Variants in SEMA3A observed in about 807,000 individuals in gnomAD.
The protein encoded by SEMA3A is semaphorin-3A.
A neutral mutation model predicts 97.9 loss-of-function variants in SEMA3A; 29 were observed. The ratio of observed to expected loss-of-function variants is 0.30; its 90% confidence interval spans 0.22 to 0.40. The LOEUF (loss-of-function observed/expected upper bound fraction) is 0.40, where lower values mean the gene tolerates loss of function less well. SEMA3A is among the 10% of genes least tolerant of loss of function. The pLI is 1.00. For synonymous variants in SEMA3A, 321 were observed against 323.7 expected (o/e 0.99, Z 0.09); for missense variants, 763 against 951.3 (o/e 0.80, Z 2.60).
chr7:84,306,166 TA>T (rs1019578903), intron 3 of SEMA3A, among the ~76,000 whole-genome samples: 1 of 151,908 alleles, frequency 6.6e-6, no homozygotes, highest in African/African-American at 2.4e-5. Flanking sequence ...TATGATGTGA[TA>T]AATTTTTTTT....
At chr7:84,303,526 T>C (rs1231222331) in intron 3 of SEMA3A, among the ~76,000 whole-genome samples, 4 of 151,494 alleles carry the variant, frequency 2.6e-5, no homozygotes, top group Admixed American at 2.6e-4. Context: ...AAATAATAGG[T>C]GAACATATTG....
intron 2 of SEMA3A, among the ~76,000 whole-genome samples, chr7:84,337,484 T>A (rs1802065355): frequency 6.6e-6 from 1 of 152,150 alleles, no homozygotes; most frequent in African/African-American, 2.4e-5. Flanking sequence ...TAACAATCCA[T>A]CATTGCATTC....
chr7:84,454,325 T>C (rs1277381218), intron 1 of SEMA3A, among the ~76,000 whole-genome samples: 1 of 152,180 alleles, frequency 6.6e-6, no homozygotes, highest in Non-Finnish European at 1.5e-5. Flanking sequence ...AAGACATACA[T>C]CAGACACAGA....
At chr7:84,344,213 T>C (rs923417722) in intron 2 of SEMA3A, among the ~76,000 whole-genome samples, 8 of 152,160 alleles carry the variant, frequency 5.3e-5, no homozygotes, top group Admixed American at 1.3e-4. Flanking sequence ...TTCAATATTA[T>C]GAAGATAAAC....
At chr7:84,363,376 C>T (rs1377484761) in intron 2 of SEMA3A, among the ~76,000 whole-genome samples, 7 of 151,820 alleles carry the variant, frequency 4.6e-5, no homozygotes, top group Admixed American at 1.3e-4. Flanking sequence ...CTCGGACATT[C>T]GAAAATATAT....
chr7:84,426,145 T>G (rs542566644), intron 1 of SEMA3A, among the ~76,000 whole-genome samples: 1 of 152,094 alleles, frequency 6.6e-6, no homozygotes, highest in Admixed American at 6.6e-5. Flanking sequence ...GCTCATGTGA[T>G]GGGAGCACTA....
At chr7:84,008,764 GCTT>G in intron 9 of SEMA3A, among the ~76,000 whole-genome samples, 1 of 152,178 alleles carries the variant, frequency 6.6e-6, no homozygotes, top group East Asian at 1.9e-4. Context: ...ACCATGCCTG[GCTT>G]CTTTTCGGCT....
intron 3 of SEMA3A, among the ~76,000 whole-genome samples, chr7:84,248,728 T>C (rs1375421272): frequency 1.3e-5 from 2 of 152,166 alleles, no homozygotes; most frequent in Admixed American, 1.3e-4. Context: ...GATCTCTCTC[T>C]CTCTGATCCT....
intron 3 of SEMA3A, among the ~76,000 whole-genome samples, chr7:84,306,853 T>C (rs967575554): frequency 2.0e-5 from 3 of 152,130 alleles, no homozygotes; most frequent in African/African-American, 7.2e-5. Context: ...AAAATATTTT[T>C]GTGGATAGCA....
intron 4 of SEMA3A, among the ~76,000 whole-genome samples, chr7:84,064,858 C>T (rs2115716020): frequency 6.6e-6 from 1 of 152,010 alleles, no homozygotes; most frequent in South Asian, 2.1e-4. Flanking sequence ...TTAGACAGAT[C>T]AACGAGACAG....
intron 6 of SEMA3A, among the ~76,000 whole-genome samples, chr7:84,020,705 A>AATTTAATACC (rs1342503411): frequency 9.9e-5 from 15 of 152,048 alleles, no homozygotes; most frequent in Admixed American, 7.2e-4. Flanking sequence ...CACTGCTCTA[A>AATTTAATACC]ATTTAATACC....
intron 2 of SEMA3A, among the ~76,000 whole-genome samples, chr7:84,334,160 C>G (rs372137652): frequency 6.6e-6 from 1 of 151,904 alleles, no homozygotes; most frequent in Admixed American, 6.6e-5. Flanking sequence ...TTCCAAATCT[C>G]GGAATTGATC....
chr7:84,265,277 T>G (rs1190071025), intron 3 of SEMA3A, among the ~76,000 whole-genome samples: 1 of 152,020 alleles, frequency 6.6e-6, no homozygotes, highest in African/African-American at 2.4e-5. Flanking sequence ...AAGAGTGCAG[T>G]GGCATGATCT....
rs1183485596 is a variant in SEMA3A, at chr7:83,957,568, C to T, written c.*3803G>A. 6.6e-6 allele frequency: 1 copy of T among 152,086 alleles called. No individual in the cohort carries two copies. Among genetic ancestry groups the T allele is most frequent in the Non-Finnish European group, 1.5e-5 (1 of 67,932 alleles). The allele number at this position is 152,086 out of a possible 1,614,324, so 9.4% of individuals were successfully genotyped here. On this transcript the variant is annotated 3_prime_UTR_variant, in exon 17 of 17. Transcript: ENST00000265362. The stretch of plus-strand genomic sequence containing the variant: ...TGGTTACGTTGATTGCGAAACTGTC[C>T]TTACTATATGGGCTGTCACATATGC...
chr7:84,050,763 T>A (rs1792593142), intron 5 of SEMA3A, among the ~76,000 whole-genome samples: 1 of 152,230 alleles, frequency 6.6e-6, no homozygotes, highest in South Asian at 2.1e-4. Context: ...CTTTTGGTGT[T>A]TTAGACATGA....
intron 2 of SEMA3A, among the ~76,000 whole-genome samples, chr7:84,358,616 G>C (rs1339259816): frequency 6.8e-4 from 104 of 152,178 alleles, no homozygotes; most frequent in Non-Finnish European, 2.9e-4. Flanking sequence ...ACTTGGCAAT[G>C]TGGGCTCTTT....
At chr7:84,334,534 C>T (rs1043209686) in intron 2 of SEMA3A, among the ~76,000 whole-genome samples, 1 of 151,956 alleles carries the variant, frequency 6.6e-6, no homozygotes, top group Admixed American at 6.6e-5. Flanking sequence ...CTGCACTCTT[C>T]CTCCACCTGT....
At chr7:84,455,683 T>C (rs1191870271) in intron 1 of SEMA3A, among the ~76,000 whole-genome samples, 2 of 151,988 alleles carry the variant, frequency 1.3e-5, no homozygotes, top group Non-Finnish European at 2.9e-5. Context: ...AATACAGTTG[T>C]GTACAATTAA....
At chr7:84,221,728 ACATAGG>A (rs1244157192) in intron 3 of SEMA3A, among the ~76,000 whole-genome samples, 1 of 152,068 alleles carries the variant, frequency 6.6e-6, no homozygotes, top group Non-Finnish European at 1.5e-5. Flanking sequence ...TTTCTGTCTT[ACATAGG>A]CATAGTTTAT....
Sources: allele counts gnomAD v4.1 joint callset (sites outside exome capture counted in the v4.1 genomes callset), GRCh38; gene constraint gnomAD v4.1.1; transcripts MANE v1.5; gene names NCBI Gene and HGNC (gene_info 2026-07-23, HGNC 2026-07-21).